The following PKNOX1 variants were observed in gnomAD, a reference collection of about 807,000 sequenced individuals.
The protein encoded by PKNOX1 is PBX/knotted 1 homeobox 1.
A neutral mutation model predicts 51.9 loss-of-function variants in PKNOX1; 15 were observed. The ratio of observed to expected loss-of-function variants is 0.29; its 90% confidence interval spans 0.19 to 0.45. The LOEUF (loss-of-function observed/expected upper bound fraction) is 0.45. PKNOX1 is among the 20% of genes least tolerant of loss of function. The probability of loss-of-function intolerance (pLI) is 1.00; values close to 1 mark genes in which losing one functional copy is unlikely to be tolerated. For synonymous variants in PKNOX1, 219 were observed against 211.1 expected, an observed-to-expected ratio of 1.04 and a Z score of -0.32; for missense variants, 462 against 547.5, an observed-to-expected ratio of 0.84 and a Z score of 1.56.
Position 43,021,960 on chromosome 21 carries a change from G to T in PKNOX1, c.849+529G>T, listed in dbSNP as rs186402705. Among the ~76,000 whole-genome samples the T allele has an allele frequency of 2.4e-3, 371 of 152,328 alleles. No homozygotes were observed. The highest frequency in any genetic ancestry group is 0.014 in the Middle Eastern group (4 of 292). ...GGCCGCGTCTTCTCCCTGTCCCCAG[G>T]ACATCTTAGGAAGTGCAGTGGTGGG... is the stretch of plus-strand genomic sequence containing the variant. On this transcript the variant is annotated intron_variant, in intron 8 of 10. Coordinates refer to ENST00000291547, the MANE Select transcript of PKNOX1 (RefSeq NM_004571.5). The surrounding 1 kb of genome is among the most constrained non-coding windows in gnomAD (Gnocchi z 4.6).
At chr21:42,988,811 A>G (rs777295290) in intron 1 of PKNOX1, among the ~76,000 whole-genome samples, 2 of 152,018 alleles carry the variant, frequency 1.3e-5, no homozygotes, top group Non-Finnish European at 2.9e-5. Context: ...TCCCTGGGAT[A>G]CTGGTTAGGG....
chr21:42,998,942 C>T (rs1187851756), intron 1 of PKNOX1, among the ~76,000 whole-genome samples: 1 of 152,232 alleles, frequency 6.6e-6, no homozygotes, highest in Non-Finnish European at 1.5e-5. Flanking sequence ...CTTCTCACAG[C>T]TCCACTAGGC....
At chr21:43,008,097 A>ACACAC (rs1568897484) in intron 3 of PKNOX1, among the ~76,000 whole-genome samples, 3 of 151,390 alleles carry the variant, frequency 2.0e-5, no homozygotes, top group African/African-American at 4.9e-5. Flanking sequence ...ACACACACAC[A>ACACAC]AAGATGTTAT....
At chr21:42,980,327 G>A (rs1205827576) in intron 1 of PKNOX1, among the ~76,000 whole-genome samples, 2 of 151,924 alleles carry the variant, frequency 1.3e-5, no homozygotes, top group East Asian at 3.9e-4. Flanking sequence ...AGCTGAGATC[G>A]CTCCAGTGCA....
chr21:42,984,947 AAGGGTT>A (rs1451657901), intron 1 of PKNOX1, among the ~76,000 whole-genome samples: 2 of 148,040 alleles, frequency 1.4e-5, no homozygotes, highest in Non-Finnish European at 3.0e-5. Context: ...CCTTGCCTCC[AAGGGTT>A]AGGGTTCCTC....
chr21:43,018,911 A>C (rs1979631150), intron 7 of PKNOX1, among the ~76,000 whole-genome samples: 2 of 151,912 alleles, frequency 1.3e-5, no homozygotes, highest in Admixed American at 6.6e-5. Context: ...AGTATGGTGA[A>C]ACCCTGTCCT....
At position 43,021,088 on chromosome 21, in the gene PKNOX1, G is replaced by A. The variant is rs1478779533; in HGVS notation, c.721-215G>A. 1.2e-5 allele frequency: 4 copies of A among 346,792 alleles called. No individual in the cohort carries two copies. Among genetic ancestry groups the A allele is most frequent in the Non-Finnish European group, 2.2e-5 (4 of 184,504 alleles). The allele number at this position is 346,792 out of a possible 1,614,324, so 21.5% of individuals were successfully genotyped here. A position where few individuals can be genotyped will look rare whatever the true frequency, so the allele number is the denominator to read the frequency against. On this transcript the variant is annotated intron_variant, in intron 7 of 10. Transcript: ENST00000291547. The surrounding 1 kb of genome is among the most constrained non-coding windows in gnomAD (Gnocchi z 4.6). The stretch of plus-strand genomic sequence containing the variant: ...TGCACCACTGCACTCCAGCCTGAGT[G>A]ACAGAGCAAGATCCTGTCTCAAAAA...
intron 1 of PKNOX1, among the ~76,000 whole-genome samples, chr21:42,982,532 C>T (rs1252257831): frequency 1.3e-5 from 2 of 151,784 alleles, no homozygotes; most frequent in Non-Finnish European, 2.9e-5. Context: ...GAATTCGAGT[C>T]CAGCCTGAAC....
intron 1 of PKNOX1, among the ~76,000 whole-genome samples, chr21:43,003,256 G>A (rs370683264): frequency 1.7e-4 from 26 of 152,312 alleles, no homozygotes; most frequent in South Asian, 6.2e-4. Context: ...AGGCCATGCC[G>A]GCCGTGGTCC....
chr21:42,988,207 C>A (rs1203178173), intron 1 of PKNOX1, among the ~76,000 whole-genome samples: 1 of 152,092 alleles, frequency 6.6e-6, no homozygotes. Flanking sequence ...CGTGCCACCA[C>A]ACCCAGCTAA....
At chr21:43,010,012 T>C (rs772312105) in intron 3 of PKNOX1, 41 bp from the exon 4 acceptor site, 1 of 1,326,286 alleles carries the variant, frequency 7.5e-7, no homozygotes. Flanking sequence ...CTCACGGAGA[T>C]GTAGAACGTA....
intron 1 of PKNOX1, among the ~76,000 whole-genome samples, chr21:42,980,353 CAG>C (rs2059020085): frequency 6.7e-6 from 1 of 148,858 alleles, no homozygotes; most frequent in Non-Finnish European, 1.5e-5. Flanking sequence ...GGCTGGGCGA[CAG>C]AGCAAGACTC....
intron 3 of PKNOX1, 22 bp from the exon 4 acceptor site, chr21:43,010,031 C>CT (rs771686010): frequency 4.4e-5 from 66 of 1,491,054 alleles, no homozygotes; most frequent in South Asian, 9.2e-5. Flanking sequence ...TAAATGGATT[C>CT]TTTTTTTTCT....
rs34594458 is a variant in PKNOX1 at position 42,986,017 on chromosome 21, A to AATT, written c.-57+11353_-57+11354insATT. Among the ~76,000 whole-genome samples the AATT allele has an allele frequency of 1.4e-3, 203 of 147,596 alleles. 1 individual carries two copies. The highest frequency in any genetic ancestry group is 4.7e-3 in the African/African-American group (188 of 40,072). ...CTCTGTCTCAGAAAAAAAAAAAAAAATTAAAAAAAAAATTGCAAAACCATT... is the reference window on the plus strand; with the variant it reads ...CTCTGTCTCAGAAAAAAAAAAAAAAAATTTTAAAAAAAAAATTGCAAAACCATT... On this transcript the variant is annotated intron_variant, in intron 1 of 10. Coordinates refer to ENST00000291547, the MANE Select transcript of PKNOX1 (RefSeq NM_004571.5).
rs1601292017 is a variant in PKNOX1, at chr21:43,010,123, A to G, written c.250A>G (p.Thr84Ala). The G allele has an allele frequency of 1.2e-6, 2 of 1,607,910 alleles. No individual in the cohort carries two copies. The highest frequency in any genetic ancestry group is 4.5e-5 in the East Asian group (2 of 44,718). Reference sequence around the variant, plus strand: ...ACAATCTACACAGGGCTCTGAAGGCACAACTTCTGCCAGTTTTGATGTAGA... The same window carrying G: ...ACAATCTACACAGGGCTCTGAAGGCGCAACTTCTGCCAGTTTTGATGTAGA... ...CEQSTQGSEG[T>A]TSASFDVDIE... The change falls in exon 4 of 11, where the codon ACA (threonine) becomes GCA (alanine). Residue 84 changes from threonine (T) to alanine (A), a missense_variant. Thr to Ala is a moderately conservative substitution (Grantham distance 58, BLOSUM62 0). This residue lies in a region of PKNOX1 where 129 missense variants were observed against 133.4 expected (regional missense o/e 0.97). Transcript: ENST00000291547.
chr21:43,018,828 G>T (rs1979627867), intron 7 of PKNOX1, among the ~76,000 whole-genome samples: 1 of 152,068 alleles, frequency 6.6e-6, no homozygotes, highest in South Asian at 2.1e-4. Context: ...GCACGGTGAC[G>T]TCTGTAATCC....
intron 5 of PKNOX1, among the ~76,000 whole-genome samples, chr21:43,013,944 G>T (rs1479913648): frequency 6.6e-6 from 1 of 151,636 alleles, no homozygotes; most frequent in Non-Finnish European, 1.5e-5. Flanking sequence ...TTTCCCTGAT[G>T]GCTAATAATG....
chr21:42,983,010 A>G (rs1333925548), intron 1 of PKNOX1, among the ~76,000 whole-genome samples: 3 of 152,126 alleles, frequency 2.0e-5, no homozygotes, highest in East Asian at 2.0e-4. Flanking sequence ...GAGTTTTACC[A>G]TGTTGGCCAG....
chr21:43,006,551 T>C (rs1328329643), intron 2 of PKNOX1, among the ~76,000 whole-genome samples: 1 of 152,198 alleles, frequency 6.6e-6, no homozygotes, highest in East Asian at 1.9e-4. Flanking sequence ...TGTTGTACCA[T>C]TTAAAGGCAG....
Sources: allele counts gnomAD v4.1 joint callset (sites outside exome capture counted in the v4.1 genomes callset), GRCh38; gene constraint gnomAD v4.1.1; regional missense constraint gnomAD v4.1.1; non-coding constraint Gnocchi (gnomAD v3.1); transcripts MANE v1.5; gene names NCBI Gene and HGNC (gene_info 2026-07-23, HGNC 2026-07-21).